DSCAM: variants seen among roughly 807,000 people sequenced by gnomAD.
DSCAM encodes the protein DS cell adhesion molecule, also known as cell adhesion molecule DSCAM.
In DSCAM, 47 loss-of-function variants were observed where a neutral mutation model predicts 217.7. The observed-to-expected ratio is 0.22, with a 90% CI of 0.17 to 0.28. DSCAM has a LOEUF of 0.28. DSCAM is among the 10% of genes least tolerant of loss of function. The pLI is 1.00. For synonymous variants in DSCAM, 1,056 were observed against 1,015.3 expected (o/e 1.04, Z -0.76); for missense variants, 2,080 against 2,618.3 (o/e 0.79, Z 4.49).
chr21:40,523,680 G>T (rs2076377588), intron 3 of DSCAM, among the ~76,000 whole-genome samples: 1 of 152,148 alleles, frequency 6.6e-6, no homozygotes, highest in East Asian at 1.9e-4. Flanking sequence ...GTACAGCAAA[G>T]CAAGAAATCC....
rs186470315 is a variant in DSCAM, at chr21:40,219,293, G to A, written c.2357-30055C>T. ...TAAATCACATTTATTGATTGTGTAT[G>A]TTGAATCAACCTTGCATCCTGGAGA... On this transcript the variant is annotated intron_variant, in intron 11 of 32. Transcript: ENST00000400454. 1.4e-3 allele frequency among the ~76,000 whole-genome samples: 208 copies of A among 151,818 alleles called. 1 individual carries two copies. Among genetic ancestry groups the A allele is most frequent in the Non-Finnish European group, 7.9e-4 (54 of 67,962 alleles).
intron 11 of DSCAM, among the ~76,000 whole-genome samples, chr21:40,207,069 A>C (rs2146870449): frequency 6.6e-6 from 1 of 152,368 alleles, no homozygotes; most frequent in East Asian, 1.9e-4. Flanking sequence ...TATGGCAATA[A>C]ACATGCAAAC....
intron 1 of DSCAM, among the ~76,000 whole-genome samples, chr21:40,804,527 G>A (rs1331613975): frequency 4.6e-5 from 7 of 151,494 alleles, no homozygotes; most frequent in African/African-American, 7.3e-5. Context: ...TCCCCTCCCC[G>A]TTCCCAGCAC....
chr21:40,363,807 T>C (rs1853218875), intron 4 of DSCAM, among the ~76,000 whole-genome samples: 1 of 152,116 alleles, frequency 6.6e-6, no homozygotes, highest in South Asian at 2.1e-4. Flanking sequence ...ATCCAGAATC[T>C]ACAATGAACT....
chr21:40,244,236 A>T lies in DSCAM; in HGVS notation c.2356+31861T>A, dbSNP rs369900115. Among the ~76,000 whole-genome samples the T allele has an allele frequency of 7.3e-4, 111 of 152,310 alleles. 1 individual carries two copies. In the South Asian group the frequency reaches 0.023, roughly 31 times the overall value. ...GAGGCCAAGGCGGGTGGATCACTTGAGGTCAGGAGTTCGAGACCAGACTGG... is the reference window on the plus strand; with the variant it reads ...GAGGCCAAGGCGGGTGGATCACTTGTGGTCAGGAGTTCGAGACCAGACTGG... On this transcript the variant is annotated intron_variant, in intron 11 of 32. Transcript: ENST00000400454.
intron 20 of DSCAM, among the ~76,000 whole-genome samples, chr21:40,099,442 T>C (rs990115391): frequency 9.8e-5 from 15 of 152,312 alleles, no homozygotes; most frequent in African/African-American, 3.4e-4. Context: ...CTATTGGTTA[T>C]TTGGGTAAGT....
intron 3 of DSCAM, among the ~76,000 whole-genome samples, chr21:40,631,145 G>A (rs374720918): frequency 1.3e-5 from 2 of 152,134 alleles, no homozygotes; most frequent in South Asian, 2.1e-4. Context: ...AAGTCACTTC[G>A]TATTATCTTA....
At chr21:40,136,077 C>G (rs1309522440) in intron 18 of DSCAM, among the ~76,000 whole-genome samples, 2 of 152,146 alleles carry the variant, frequency 1.3e-5, no homozygotes, top group African/African-American at 4.8e-5. Flanking sequence ...CCTTTGGACT[C>G]CTGTCTTCTA....
rs567118215 is a variant in DSCAM, at chr21:40,062,567, A to T, written c.4919+302T>A. 2.6e-5 allele frequency among the ~76,000 whole-genome samples: 4 copies of T among 152,308 alleles called. No homozygotes were observed. In the South Asian group the frequency reaches 8.3e-4, roughly 32 times the overall value. ...CCAGTAGTAAATTTAGATGAAGGCA[A>T]AACTAAAGCTACTTCCTCTTTACGT... On this transcript the variant is annotated intron_variant, in intron 28 of 32. Coordinates refer to ENST00000400454, the MANE Select transcript of DSCAM (RefSeq NM_001389.5).
chr21:40,594,700 TAATC>T (rs2077008386), intron 3 of DSCAM, among the ~76,000 whole-genome samples: 1 of 150,926 alleles, frequency 6.6e-6, no homozygotes, highest in African/African-American at 2.4e-5. Context: ...AACTTGTAGA[TAATC>T]AATAACTTGT....
chr21:40,833,546 A>T (rs1287046314), intron 1 of DSCAM, among the ~76,000 whole-genome samples: 2 of 152,206 alleles, frequency 1.3e-5, no homozygotes, highest in African/African-American at 2.4e-5. Context: ...CTTGAGGGAG[A>T]AATGGCTGGA....
Position 40,042,390 on chromosome 21 carries a change from A to G in DSCAM, c.5667T>C (p.Val1889=), listed in dbSNP as rs1048597158. The G allele has an allele frequency of 3.1e-6, 5 of 1,613,868 alleles. No homozygotes were observed. Among genetic ancestry groups the G allele is most frequent in the East Asian group, 2.2e-5 (1 of 44,872 alleles). The part of the protein sequence containing the change: ...QDGGRVMNMA[V]PKAHRPGDLI... ...ACCTACCTGGCCGATGTGCCTTTGG[A>G]ACTGCCATATTCATTACTCTTCCTC... Residue 1889 remains valine (V), a synonymous_variant, in exon 32 of 33, where the codon GTT becomes GTC. Coordinates refer to ENST00000400454, the MANE Select transcript of DSCAM (RefSeq NM_001389.5).
intron 3 of DSCAM, among the ~76,000 whole-genome samples, chr21:40,597,411 T>C (rs1405226269): frequency 1.3e-5 from 2 of 151,688 alleles, no homozygotes; most frequent in African/African-American, 4.8e-5. Context: ...TTTCACAGAG[T>C]TTTAGGATAA....
intron 3 of DSCAM, among the ~76,000 whole-genome samples, chr21:40,496,304 C>G (rs942671676): frequency 2.6e-5 from 4 of 152,152 alleles, no homozygotes; most frequent in Non-Finnish European, 5.9e-5. Context: ...ACAGATGGTA[C>G]TGGCATAGAA....
chr21:40,276,291 C>T (rs2297268), intron 10 of DSCAM, 21 bp from the exon 11 acceptor site: 105 of 1,571,398 alleles, frequency 6.7e-5, no homozygotes, highest in East Asian at 5.0e-4. Context: ...AAAAGAAAGA[C>T]GAGCAATGAT....
At chr21:40,668,480 CA>C (rs1457087153) in intron 3 of DSCAM, among the ~76,000 whole-genome samples, 7 of 152,162 alleles carry the variant, frequency 4.6e-5, no homozygotes, top group Non-Finnish European at 7.3e-5. Flanking sequence ...AAAATCCACC[CA>C]GGGGGTTGTA....
intron 3 of DSCAM, among the ~76,000 whole-genome samples, chr21:40,590,702 T>C (rs1360764636): frequency 6.6e-6 from 1 of 152,154 alleles, no homozygotes; most frequent in African/African-American, 2.4e-5. Flanking sequence ...TACTTGGGTC[T>C]CCCTTTTGTA....
At position 40,264,215 on chromosome 21, in the gene DSCAM, C is replaced by T. The variant is rs567810667; in HGVS notation, c.2356+11882G>A. 2.0e-5 allele frequency among the ~76,000 whole-genome samples: 3 copies of T among 152,272 alleles called. No individual in the cohort carries two copies. In the South Asian group the frequency reaches 6.2e-4, roughly 32 times the overall value. On this transcript the variant is annotated intron_variant, in intron 11 of 32. Transcript: ENST00000400454. Reference sequence around the variant, plus strand: ...CTAACTTATTCTATGAAGCCAGTATCCTCATACCAAAGCCAGGAGAGGACA... The same window carrying T: ...CTAACTTATTCTATGAAGCCAGTATTCTCATACCAAAGCCAGGAGAGGACA...
chr21:40,809,486 A>G (rs756175668), intron 1 of DSCAM, among the ~76,000 whole-genome samples: 16 of 152,236 alleles, frequency 1.1e-4, no homozygotes, highest in Non-Finnish European at 2.2e-4. Flanking sequence ...TACAGTTAAA[A>G]TAAGTGAATC....
Sources: allele counts gnomAD v4.1 joint callset (sites outside exome capture counted in the v4.1 genomes callset), GRCh38; gene constraint gnomAD v4.1.1; transcripts MANE v1.5; gene names NCBI Gene and HGNC (gene_info 2026-07-23, HGNC 2026-07-21).